COL15A1: variants seen among roughly 807,000 people sequenced by gnomAD.
COL15A1 encodes collagen type XV alpha 1 chain, also known as collagen alpha-1(XV) chain.
In COL15A1, 111 loss-of-function variants were observed where a neutral mutation model predicts 165.9. The ratio of observed to expected loss-of-function variants is 0.67; its 90% confidence interval spans 0.57 to 0.78. The LOEUF (loss-of-function observed/expected upper bound fraction) is 0.78. COL15A1 is among the 30% of genes least tolerant of loss of function. The pLI is 0.00. For synonymous variants in COL15A1, 659 were observed against 674.8 expected (o/e 0.98, Z 0.36); for missense variants, 1,745 against 1,789.7 (o/e 0.98, Z 0.45).
At chr9:98,956,995 G>C (rs570758844) in intron 2 of COL15A1, among the ~76,000 whole-genome samples, 1 of 152,220 alleles carries the variant, frequency 6.6e-6, no homozygotes. Flanking sequence ...GGTAGGCAGG[G>C]TCATGGCCCT....
At chr9:98,969,759 G>A (rs1385149012) in intron 2 of COL15A1, among the ~76,000 whole-genome samples, 1 of 152,188 alleles carries the variant, frequency 6.6e-6, no homozygotes, top group African/African-American at 2.4e-5. Flanking sequence ...TGACATTCCT[G>A]GAGAGCAGCA....
chr9:99,040,777 C>G, intron 23 of COL15A1: 1 of 733,818 alleles, frequency 1.4e-6, no homozygotes, highest in Non-Finnish European at 2.1e-6. Context: ...CGTCAGCCTC[C>G]CAAAGTGCTG....
intron 9 of COL15A1, among the ~76,000 whole-genome samples, chr9:99,006,267 G>C (rs1838760505): frequency 6.6e-6 from 1 of 152,182 alleles, no homozygotes; most frequent in African/African-American, 2.4e-5. Context: ...TTCATGTCTG[G>C]CTCCCTACCA....
chr9:99,041,879 G>C (rs144160646), intron 23 of COL15A1, among the ~76,000 whole-genome samples, 166 bp from the exon 24 acceptor site: 79 of 152,354 alleles, frequency 5.2e-4, no homozygotes, highest in African/African-American at 1.8e-3. Flanking sequence ...CCAGACCACA[G>C]TTTCTGGACC....
intron 31 of COL15A1, among the ~76,000 whole-genome samples, chr9:99,054,264 G>A (rs1490834139): frequency 2.6e-5 from 4 of 152,220 alleles, no homozygotes; most frequent in Admixed American, 2.6e-4. Context: ...CCAAGCCAGG[G>A]TTAGCCGCAG....
At position 99,068,648 on chromosome 9, in the gene COL15A1, G is replaced by A; in HGVS notation, c.3931G>A (p.Asp1311Asn). Reference protein sequence around the residue: ...HIPIYSFDGRDIMTDPSWPQK... With the variant: ...HIPIYSFDGRNIMTDPSWPQK... ...TCCAATATACTCCTTTGATGGTCGA[G>A]ACATAATGACAGATCCTTCTTGGTA... Residue 1311 changes from aspartate (D) to asparagine (N), a missense_variant, in exon 41 of 42, where the codon GAC (aspartate) becomes AAC (asparagine). Transcript: ENST00000375001. 1 of 1,560,982 alleles carries A rather than the reference G, an allele frequency of 6.4e-7. No individual in the cohort carries two copies. Among genetic ancestry groups the A allele is most frequent in the Non-Finnish European group, 8.6e-7 (1 of 1,160,004 alleles).
At chr9:98,952,896 A>G (rs778855880) in intron 2 of COL15A1, among the ~76,000 whole-genome samples, 1 of 152,106 alleles carries the variant, frequency 6.6e-6, no homozygotes, top group Non-Finnish European at 1.5e-5. Flanking sequence ...TAATATGTGT[A>G]TGTCGTTTTA....
intron 2 of COL15A1, among the ~76,000 whole-genome samples, chr9:98,979,231 C>A (rs62561174): frequency 0.34 from 51,490 of 152,026 alleles, 9,814 homozygotes; most frequent in African/African-American, 0.51. Context: ...AATTCATAGA[C>A]GTATGACTGC....
At chr9:99,034,666 C>T in intron 17 of COL15A1, 82 bp downstream of exon 17, 1 of 1,352,044 alleles carries the variant, frequency 7.4e-7, no homozygotes, top group Non-Finnish European at 9.6e-7. Flanking sequence ...AATTGGACTG[C>T]TGGGCTGGAA....
intron 26 of COL15A1, among the ~76,000 whole-genome samples, chr9:99,046,912 G>A (rs900092561): frequency 7.2e-5 from 11 of 152,256 alleles, no homozygotes; most frequent in African/African-American, 1.7e-4. Flanking sequence ...GGTACTTTAC[G>A]TACTGACCCT....
chr9:98,946,435 T>G (rs1051586065), intron 2 of COL15A1, among the ~76,000 whole-genome samples: 7 of 152,262 alleles, frequency 4.6e-5, no homozygotes, highest in African/African-American at 1.7e-4. Context: ...ATGTCACAAT[T>G]GTAACATGAG....
chr9:99,041,980 TTC>T (rs2119072510), intron 23 of COL15A1, 63 bp from the exon 24 acceptor site: 1 of 1,062,768 alleles, frequency 9.4e-7, no homozygotes, highest in East Asian at 2.4e-5. Context: ...AAAAATATAT[TTC>T]TGATTGGTTT....
At chr9:99,046,095 ATAGT>A (rs1839487397) in intron 26 of COL15A1, among the ~76,000 whole-genome samples, 2 of 152,132 alleles carry the variant, frequency 1.3e-5, no homozygotes, top group South Asian at 4.1e-4. Context: ...GAAAATACAA[ATAGT>A]TAGTGGTGGG....
chr9:98,980,377 G>C (rs914429359), intron 2 of COL15A1, among the ~76,000 whole-genome samples: 1 of 152,268 alleles, frequency 6.6e-6, no homozygotes, highest in Admixed American at 6.5e-5. Flanking sequence ...GTGGGTGCGG[G>C]AGGTGAAGCG....
intron 9 of COL15A1, among the ~76,000 whole-genome samples, chr9:99,006,731 G>A (rs1417756045): frequency 6.6e-6 from 1 of 152,126 alleles, no homozygotes; most frequent in Non-Finnish European, 1.5e-5. Flanking sequence ...ACTTACGACA[G>A]AGTGGGAAAG....
rs748557718 is a variant in COL15A1 at position 99,068,552 on chromosome 9, T to C, written c.3838-3T>C. 5.5e-6 allele frequency: 8 copies of C among 1,453,044 alleles called. No homozygotes were observed. Among genetic ancestry groups the C allele is most frequent in the Admixed American group, 5.1e-5 (2 of 39,172 alleles). The allele number at this position is 1,453,044 out of a possible 1,614,324, so 90.0% of individuals were successfully genotyped here. The stretch of plus-strand genomic sequence containing the variant: ...ATTCTAATGTGGTATTTTGTCTCTA[T>C]AGGGCCAAGTACTTTTTAATAATTG... On this transcript the variant is annotated splice_region_variant and splice_polypyrimidine_tract_variant and intron_variant, in intron 40 of 41. Transcript: ENST00000375001.
intron 30 of COL15A1, among the ~76,000 whole-genome samples, 169 bp downstream of exon 30, chr9:99,050,064 G>A (rs762588904): frequency 1.1e-4 from 17 of 152,208 alleles, no homozygotes; most frequent in Non-Finnish European, 1.8e-4. Context: ...ATAACAGGTC[G>A]TGGCAATGAA....
intron 2 of COL15A1, among the ~76,000 whole-genome samples, chr9:98,965,837 G>A (rs80104322): frequency 0.022 from 3,346 of 151,602 alleles, 165 homozygotes; most frequent in East Asian, 0.11. Flanking sequence ...TCTGGGCCCC[G>A]TGTTGGTGTC....
chr9:99,015,109 T>TC (rs1481525156), intron 9 of COL15A1, among the ~76,000 whole-genome samples: 1 of 152,164 alleles, frequency 6.6e-6, no homozygotes, highest in African/African-American at 2.4e-5. Context: ...CAGCTTGATT[T>TC]TTTTTTCCCT....
Sources: gnomAD v4.1 joint callset for allele counts (sites outside exome capture counted in the v4.1 genomes callset) on GRCh38, gnomAD v4.1.1 for gene constraint, MANE v1.5 for transcripts, NCBI Gene and HGNC (gene_info 2026-07-23, HGNC 2026-07-21) for gene names.